Variants in PAPSS1 observed in about 807,000 individuals in gnomAD.
PAPSS1 encodes the protein bifunctional 3'-phosphoadenosine 5'-phosphosulfate synthase 1.
PAPSS1 carries 50 observed loss-of-function variants against 72.0 expected under a neutral mutation model. That is an observed-to-expected ratio of 0.69 (90% CI 0.55 to 0.88). PAPSS1 has a LOEUF of 0.88. Among genes scored for constraint, PAPSS1 ranks in the 40% least tolerant of loss-of-function variants. The probability of loss-of-function intolerance (pLI) is 0.00; values close to 1 mark genes in which losing one functional copy is unlikely to be tolerated. For synonymous variants in PAPSS1, 261 were observed against 263.6 expected, an observed-to-expected ratio of 0.99 and a Z score of 0.09; for missense variants, 657 against 782.2, an observed-to-expected ratio of 0.84 and a Z score of 1.91.
intron 10 of PAPSS1, among the ~76,000 whole-genome samples, chr4:107,635,846 AGCACAACAGTT>A (rs1726363474): frequency 6.6e-6 from 1 of 152,228 alleles, no homozygotes; most frequent in Non-Finnish European, 1.5e-5. Flanking sequence ...CACCCGAAAT[AGCACAACAGTT>A]GCATTTTCTG....
At chr4:107,677,755 T>A (rs1049726911) in intron 5 of PAPSS1, among the ~76,000 whole-genome samples, 6 of 152,226 alleles carry the variant, frequency 3.9e-5, no homozygotes, top group Admixed American at 3.9e-4. Context: ...ATTGTGGCAC[T>A]ATTCACCATA....
intron 5 of PAPSS1, among the ~76,000 whole-genome samples, chr4:107,660,333 A>G (rs1168879816): frequency 6.6e-6 from 1 of 152,222 alleles, no homozygotes; most frequent in Non-Finnish European, 1.5e-5. Flanking sequence ...TCAGGCAACT[A>G]CAAATGAGAG....
In PAPSS1 at chr4:107,677,367, TG is replaced by T. The variant is rs1727681911; in HGVS notation, c.669+4647del. On this transcript the variant is annotated intron_variant, in intron 5 of 11. Coordinates refer to ENST00000265174, the MANE Select transcript of PAPSS1 (RefSeq NM_005443.5). ...AAAAACAAACAACCCCATCAAAAAG[TG>T]GGAGAAGGATATGAACAGGCACTTC... Among the ~76,000 whole-genome samples the T allele has an allele frequency of 2.0e-5, 3 of 152,024 alleles. No individual in the cohort carries two copies. In the South Asian group the frequency reaches 6.2e-4, roughly 32 times the overall value.
At chr4:107,639,235 T>A (rs1158401909) in intron 10 of PAPSS1, among the ~76,000 whole-genome samples, 2 of 152,194 alleles carry the variant, frequency 1.3e-5, no homozygotes, top group African/African-American at 4.8e-5. Flanking sequence ...TGCTTCCTAA[T>A]GAAATAAGTT....
chr4:107,698,880 G>C (rs1415433599), intron 2 of PAPSS1, among the ~76,000 whole-genome samples: 5 of 151,946 alleles, frequency 3.3e-5, no homozygotes, highest in Non-Finnish European at 7.4e-5. Context: ...ACTGAACTCA[G>C]GAGAAACTAT....
At chr4:107,653,143 A>C (rs1304813107) in intron 9 of PAPSS1, among the ~76,000 whole-genome samples, 3 of 149,804 alleles carry the variant, frequency 2.0e-5, no homozygotes, top group Admixed American at 6.7e-5. Flanking sequence ...ATGAATATAT[A>C]TCTCTCTCAT....
chr4:107,686,972 A>G (rs1366922935), intron 4 of PAPSS1, 67 bp downstream of exon 4: 2 of 1,407,142 alleles, frequency 1.4e-6, no homozygotes, highest in Non-Finnish European at 2.0e-6. Context: ...CTTAGAAAAT[A>G]TCAATCCTAG....
intron 11 of PAPSS1, among the ~76,000 whole-genome samples, chr4:107,615,426 C>G (rs868132735): frequency 6.6e-6 from 1 of 152,016 alleles, no homozygotes; most frequent in Non-Finnish European, 1.5e-5. Context: ...AACCTGAAAA[C>G]CTGGTGCAAT....
chr4:107,665,844 A>G (rs1727301712), intron 5 of PAPSS1, among the ~76,000 whole-genome samples: 2 of 152,202 alleles, frequency 1.3e-5, no homozygotes, highest in African/African-American at 4.8e-5. Context: ...GGACACTGGC[A>G]GGCAGGGCAA....
intron 9 of PAPSS1, 22 bp downstream of exon 9, chr4:107,653,469 G>A (rs764889263): frequency 6.2e-7 from 1 of 1,602,662 alleles, no homozygotes; most frequent in Admixed American, 1.7e-5. Context: ...GCCTATATTA[G>A]GTAATTAAAT....
At chr4:107,629,891 C>G (rs533315366) in intron 11 of PAPSS1, among the ~76,000 whole-genome samples, 2 of 152,302 alleles carry the variant, frequency 1.3e-5, no homozygotes, top group South Asian at 4.1e-4. Flanking sequence ...TCCCTCTCCA[C>G]CATGGCAATG....
chr4:107,692,479 G>A (rs549449008), intron 3 of PAPSS1, among the ~76,000 whole-genome samples: 31 of 152,214 alleles, frequency 2.0e-4, no homozygotes, highest in Non-Finnish European at 4.1e-4. Flanking sequence ...AGAAAATCAG[G>A]AAACAATAGA....
At chr4:107,659,887 T>A in intron 6 of PAPSS1, 72 bp downstream of exon 6, 3 of 817,622 alleles carry the variant, frequency 3.7e-6, no homozygotes, top group Non-Finnish European at 6.0e-6. Context: ...AATACTGCTA[T>A]AAGTCACAAA....
At chr4:107,656,841 A>T in intron 7 of PAPSS1, 55 bp downstream of exon 7, 1 of 1,209,856 alleles carries the variant, frequency 8.3e-7, no homozygotes. Context: ...AAATCTCTGC[A>T]ACTATGTAAT....
At chr4:107,678,067 A>G (rs1727705280) in intron 5 of PAPSS1, among the ~76,000 whole-genome samples, 1 of 152,148 alleles carries the variant, frequency 6.6e-6, no homozygotes, top group Non-Finnish European at 1.5e-5. Context: ...GGATAGCATT[A>G]GGAGATACAC....
At chr4:107,676,861 A>G (rs1192150607) in intron 5 of PAPSS1, among the ~76,000 whole-genome samples, 1 of 151,986 alleles carries the variant, frequency 6.6e-6, no homozygotes, top group Non-Finnish European at 1.5e-5. Context: ...AACAGAACAG[A>G]GCCCTCAGAA....
intron 1 of PAPSS1, among the ~76,000 whole-genome samples, chr4:107,710,593 C>T (rs1723464966): frequency 1.3e-5 from 2 of 152,190 alleles, no homozygotes; most frequent in Admixed American, 1.3e-4. Context: ...GGTAGTTTTA[C>T]TCAGCAGCTC....
chr4:107,672,810 C>T (rs1560579884), intron 5 of PAPSS1, among the ~76,000 whole-genome samples: 1 of 152,194 alleles, frequency 6.6e-6, no homozygotes, highest in Non-Finnish European at 1.5e-5. Context: ...GAGGCACCCC[C>T]CAGTAGGGGC....
chr4:107,710,939 A>C (rs1723475812), intron 1 of PAPSS1, among the ~76,000 whole-genome samples: 2 of 152,236 alleles, frequency 1.3e-5, no homozygotes, highest in African/African-American at 4.8e-5. Flanking sequence ...GGCTGTGATA[A>C]CAAGTGGAGT....
Sources: allele counts gnomAD v4.1 joint callset (sites outside exome capture counted in the v4.1 genomes callset), GRCh38; gene constraint gnomAD v4.1.1; transcripts MANE v1.5; gene names NCBI Gene and HGNC (gene_info 2026-07-23, HGNC 2026-07-21).